Variants in KIF5C observed in about 807,000 individuals in gnomAD.
The protein encoded by KIF5C is kinesin family member 5C, also known as kinesin heavy chain isoform 5C.
A neutral mutation model predicts 125.2 loss-of-function variants in KIF5C; 18 were observed. The ratio of observed to expected loss-of-function variants is 0.14; its 90% CI spans 0.10 to 0.21. The LOEUF is 0.21. Among genes scored for constraint, KIF5C ranks in the 10% least tolerant of loss-of-function variants. The pLI is 1.00. For synonymous variants in KIF5C, 405 were observed against 434.0 expected, an observed-to-expected ratio of 0.93 and a Z score of 0.83; for missense variants, 780 against 1,183.8, an observed-to-expected ratio of 0.66 and a Z score of 5.01.
chr2:149,008,682 T>G (rs1682085218), intron 23 of KIF5C, among the ~76,000 whole-genome samples: 1 of 152,348 alleles, frequency 6.6e-6, no homozygotes, highest in South Asian at 2.1e-4. Flanking sequence ...TTGGATACTT[T>G]CTTTTTAAAT....
chr2:148,937,459 C>T, intron 4 of KIF5C, 71 bp downstream of exon 4: 1 of 1,501,662 alleles, frequency 6.7e-7, no homozygotes, highest in Non-Finnish European at 8.9e-7. Context: ...CTCCTCCTTT[C>T]AAGAAGATAT....
At position 148,893,738 on chromosome 2, in the gene KIF5C, A is replaced by AAATG. The variant is rs555774021; in HGVS notation, c.126+18019_126+18022dup. Among the ~76,000 whole-genome samples the AAATG allele has an allele frequency of 3.0e-3, 460 of 152,300 alleles. 6 individuals are homozygous for AAATG. Among genetic ancestry groups the AAATG allele is most frequent in the African/African-American group, 9.8e-3 (407 of 41,550 alleles). ...GAATGGGTACACATAATACATGATA[A>AAATG]AATGAATGAATGAATGAATGAATGA... On this transcript the variant is annotated intron_variant, in intron 1 of 25. Transcript: ENST00000435030.
intron 25 of KIF5C, among the ~76,000 whole-genome samples, chr2:149,015,280 T>A (rs984757043): frequency 6.6e-6 from 1 of 152,214 alleles, no homozygotes; most frequent in Non-Finnish European, 1.5e-5. Context: ...AAAGGGGTAG[T>A]AATCAACAGA....
At chr2:149,013,312 C>T (rs894965355) in intron 25 of KIF5C, among the ~76,000 whole-genome samples, 1 of 152,176 alleles carries the variant, frequency 6.6e-6, no homozygotes, top group Non-Finnish European at 1.5e-5. Context: ...GCCATCATGC[C>T]TACATTCCAA....
At chr2:148,942,608 A>G (rs1254978123) in intron 6 of KIF5C, 65 bp from the exon 7 acceptor site, 15 of 1,550,570 alleles carry the variant, frequency 9.7e-6, no homozygotes, top group Non-Finnish European at 1.3e-5. Flanking sequence ...AAAATGTTTC[A>G]GCCTTTCAAA....
intron 18 of KIF5C, 119 bp from the exon 19 acceptor site, chr2:148,998,281 T>G: frequency 6.9e-7 from 1 of 1,452,386 alleles, no homozygotes; most frequent in South Asian, 1.4e-5. Flanking sequence ...ATGCCCCCAG[T>G]TTTGGGATCT....
At chr2:148,988,070 A>G (rs1681428711) in intron 15 of KIF5C, among the ~76,000 whole-genome samples, 1 of 151,934 alleles carries the variant, frequency 6.6e-6, no homozygotes, top group Non-Finnish European at 1.5e-5. Flanking sequence ...GGTCATTGAT[A>G]CTGGATCCCA....
At chr2:148,951,503 C>T (rs1191871888) in intron 10 of KIF5C, among the ~76,000 whole-genome samples, 2 of 152,168 alleles carry the variant, frequency 1.3e-5, no homozygotes, top group African/African-American at 4.8e-5. Context: ...AGGCATGTTT[C>T]CTCAGTTCCA....
Position 148,983,753 on chromosome 2 carries a change from A to G in KIF5C, c.1703A>G (p.Asn568Ser), listed in dbSNP as rs1272087424. Residue 568 changes from asparagine (N) to serine (S), a missense_variant, in exon 15 of 26, where the codon AAT becomes AGT. By Grantham distance (46) the Asn-to-Ser change is conservative. This residue lies in a region of KIF5C where 573 missense variants were observed against 742.6 expected (regional missense o/e 0.77). Coordinates refer to ENST00000435030, the MANE Select transcript of KIF5C (RefSeq NM_004522.3). The part of the protein sequence containing the change: ...LGEIGGIIGT[N>S]DVKTLADVNG... ...GAGATAGGTGGAATTATTGGCACCA[A>G]TGATGTGAAAACTGTAAGCCAGCCC... 7 of 1,607,394 alleles carry G rather than the reference A, an allele frequency of 4.4e-6. No homozygotes were observed. Among genetic ancestry groups the G allele is most frequent in the African/African-American group, 1.3e-5 (1 of 74,812 alleles).
chr2:148,931,531 C>T (rs759811405), intron 3 of KIF5C, among the ~76,000 whole-genome samples: 2 of 152,120 alleles, frequency 1.3e-5, no homozygotes, highest in Non-Finnish European at 2.9e-5. Flanking sequence ...GGCGTGGTGG[C>T]GCACATTTGT....
At chr2:148,895,154 CT>C (rs553658691) in intron 1 of KIF5C, among the ~76,000 whole-genome samples, 1 of 151,966 alleles carries the variant, frequency 6.6e-6, no homozygotes, top group South Asian at 2.1e-4. Context: ...TGGAATTTTG[CT>C]TTTTTTGAGA....
At chr2:148,931,447 G>A (rs1682183670) in intron 3 of KIF5C, among the ~76,000 whole-genome samples, 1 of 151,722 alleles carries the variant, frequency 6.6e-6, no homozygotes, top group African/African-American at 2.4e-5. Flanking sequence ...CCAGCACATA[G>A]GTCAGGAGTT....
rs1012954921 is a variant in KIF5C at position 148,875,231 on chromosome 2, C to G, written c.-387C>G. On this transcript the variant is annotated 5_prime_UTR_variant, in exon 1 of 26. Coordinates refer to ENST00000435030, the MANE Select transcript of KIF5C (RefSeq NM_004522.3). ...AGGGGCGGGTCTCAAGGCGGCAGAGCGCGCTGGTGCTGATGCAGGATGGCT... is the reference window on the plus strand; with the variant it reads ...AGGGGCGGGTCTCAAGGCGGCAGAGGGCGCTGGTGCTGATGCAGGATGGCT... The G allele has an allele frequency of 5.8e-6, 1 of 173,086 alleles. No homozygotes were observed. 10.7% of individuals were successfully genotyped at this position (173,086 alleles called of 1,614,324 possible).
chr2:149,011,448 A>T, intron 24 of KIF5C, 122 bp from the exon 25 acceptor site: 4 of 1,327,920 alleles, frequency 3.0e-6, no homozygotes, highest in Non-Finnish European at 4.0e-6. Flanking sequence ...GTGGTTGATA[A>T]GAATTGTACT....
chr2:148,948,373 A>G (rs1223417148), intron 8 of KIF5C, among the ~76,000 whole-genome samples: 1 of 150,370 alleles, frequency 6.7e-6, no homozygotes, highest in Non-Finnish European at 1.5e-5. Context: ...AAAAAAAAAA[A>G]TTTACTAGTA....
chr2:148,946,212 A>G (rs112048096), intron 7 of KIF5C, among the ~76,000 whole-genome samples: 4 of 152,176 alleles, frequency 2.6e-5, no homozygotes, highest in African/African-American at 9.7e-5. Context: ...ATGAATCTTT[A>G]GGGCTTTTTA....
intron 3 of KIF5C, among the ~76,000 whole-genome samples, chr2:148,936,788 A>T (rs956416796): frequency 2.0e-5 from 3 of 152,230 alleles, no homozygotes; most frequent in Non-Finnish European, 4.4e-5. Context: ...CTGTTAAATG[A>T]TACTGAAAGT....
intron 21 of KIF5C, among the ~76,000 whole-genome samples, chr2:149,001,347 C>T (rs972680201): frequency 6.6e-6 from 1 of 152,166 alleles, no homozygotes; most frequent in African/African-American, 2.4e-5. Context: ...TTGGGGAGAG[C>T]ATTCCAGGCA....
chr2:148,990,976 G>C (rs747623450), intron 15 of KIF5C, 34 bp from the exon 16 acceptor site: 2 of 1,589,582 alleles, frequency 1.3e-6, no homozygotes, highest in Non-Finnish European at 1.7e-6. Flanking sequence ...GGAAATTGTG[G>C]GCAACATTTG....
Sources: gnomAD v4.1 joint callset for allele counts (sites outside exome capture counted in the v4.1 genomes callset) on GRCh38, gnomAD v4.1.1 for gene constraint, gnomAD v4.1.1 regional missense constraint, MANE v1.5 for transcripts, NCBI Gene and HGNC (gene_info 2026-07-23, HGNC 2026-07-21) for gene names.